POLR3GL: variants seen among roughly 807,000 people sequenced by gnomAD.
POLR3GL encodes the protein DNA-directed RNA polymerase III subunit RPC7-like.
A neutral mutation model predicts 32.4 loss-of-function variants in POLR3GL; 26 were observed. The ratio of observed to expected loss-of-function variants is 0.80; its 90% confidence interval spans 0.59 to 1.11. The LOEUF (loss-of-function observed/expected upper bound fraction) is 1.11, where lower values mean the gene tolerates loss of function less well. Among genes scored for constraint, POLR3GL ranks in the 50% most tolerant of loss-of-function variants. The pLI, the probability that POLR3GL is intolerant of heterozygous loss-of-function variation, is 0.00. For missense variants in POLR3GL, 229 were observed against 280.1 expected (o/e 0.82, Z 1.30); for synonymous variants, 95 against 98.7 (o/e 0.96, Z 0.22).
chr1:145,976,989 CAG>C, intron 3 of POLR3GL, 93 bp from the exon 4 acceptor site: 2 of 1,007,236 alleles, frequency 2.0e-6, no homozygotes, highest in South Asian at 2.6e-5. Flanking sequence ...GGTAAGGAAA[CAG>C]ATAATTCCTC....
intron 7 of POLR3GL, 49 bp downstream of exon 7, chr1:145,978,145 T>C: frequency 6.4e-7 from 1 of 1,565,130 alleles, no homozygotes; most frequent in Non-Finnish European, 8.7e-7. Flanking sequence ...ACCCTCTTTA[T>C]ACTAGGGTTG....
chr1:145,969,890 C>T (rs1185839952), intron 1 of POLR3GL, among the ~76,000 whole-genome samples: 1 of 148,620 alleles, frequency 6.7e-6, no homozygotes, highest in Non-Finnish European at 1.5e-5. Context: ...CTGCACCACT[C>T]CAGCCTGGGT....
intron 4 of POLR3GL, 73 bp downstream of exon 4, chr1:145,977,225 C>A (rs2101943392): frequency 1.6e-6 from 2 of 1,284,542 alleles, no homozygotes; most frequent in Non-Finnish European, 2.3e-6. Context: ...TCCCACCACG[C>A]CCATGACCCC....
intron 7 of POLR3GL, 64 bp from the exon 8 acceptor site, chr1:145,978,297 G>T: frequency 2.2e-6 from 3 of 1,359,630 alleles, no homozygotes; most frequent in South Asian, 1.2e-5. Context: ...GAGGAAAGGG[G>T]TCTGGTACAC....
intron 1 of POLR3GL, among the ~76,000 whole-genome samples, chr1:145,971,203 A>AAG (rs1375951316): frequency 7.9e-5 from 12 of 151,698 alleles, no homozygotes; most frequent in Non-Finnish European, 1.6e-4. Context: ...AAAAAAAAAA[A>AAG]AAAATTGATT....
At chr1:145,976,333 C>G (rs1274704805) in intron 3 of POLR3GL, among the ~76,000 whole-genome samples, 1 of 151,508 alleles carries the variant, frequency 6.6e-6, no homozygotes, top group East Asian at 1.9e-4. Flanking sequence ...AATCCCAGCA[C>G]TTTGGGAGGC....
intron 1 of POLR3GL, among the ~76,000 whole-genome samples, chr1:145,970,579 A>G (rs1350019179): frequency 6.6e-6 from 1 of 151,952 alleles, no homozygotes; most frequent in Non-Finnish European, 1.5e-5. Context: ...TTCCCCTATT[A>G]ACATTGTAGA....
chr1:145,972,482 T>A (rs587696725), intron 1 of POLR3GL, among the ~76,000 whole-genome samples: 1 of 152,264 alleles, frequency 6.6e-6, no homozygotes, highest in South Asian at 2.1e-4. Flanking sequence ...ATTTGTCTTT[T>A]TTCCCCCATA....
intron 1 of POLR3GL, among the ~76,000 whole-genome samples, chr1:145,970,098 A>AT (rs1417591008): frequency 6.6e-6 from 1 of 151,962 alleles, no homozygotes; most frequent in African/African-American, 2.4e-5. Flanking sequence ...ATTTTTAAAT[A>AT]TTTTTTTCAC....
chr1:145,966,483 C>CA (rs781955120), intron 1 of POLR3GL, among the ~76,000 whole-genome samples: 1,281 of 57,330 alleles, frequency 0.022, 6 homozygotes, highest in South Asian at 0.064. Flanking sequence ...GAACCTGTCT[C>CA]AAAAAAAAAA....
intron 1 of POLR3GL, among the ~76,000 whole-genome samples, chr1:145,967,180 C>CTT (rs1409457547): frequency 4.2e-5 from 6 of 142,320 alleles, no homozygotes; most frequent in Non-Finnish European, 6.2e-5. Flanking sequence ...ATTCTCTCTC[C>CTT]TTTTTTTTTT....
Position 145,975,378 on chromosome 1 carries a change from G to A in POLR3GL, c.198G>A (p.Glu66=). Reference sequence around the variant, plus strand: ...AATATGTCCTGGCACTGAAGCAAGAGCTACGAGGAGCCATGAGGCAGCTCC... The same window carrying A: ...AATATGTCCTGGCACTGAAGCAAGAACTACGAGGAGCCATGAGGCAGCTCC... ...EGEYVLALKQ[E]LRGAMRQLPY... The change falls in exon 3 of 8, where the codon GAG becomes GAA. Residue 66 remains glutamate (E), a synonymous_variant. Transcript: ENST00000369314. 6.2e-7 allele frequency: 1 copy of A among 1,614,162 alleles called. No homozygotes were observed. The highest frequency in any genetic ancestry group is 8.5e-7 in the Non-Finnish European group (1 of 1,180,000).
Position 145,977,978 on chromosome 1 carries a change from A to T in POLR3GL, c.457-5A>T. On this transcript the variant is annotated splice_polypyrimidine_tract_variant and splice_region_variant and intron_variant, in intron 6 of 7. Transcript: ENST00000369314. ...AGTTTCTATTCCTATTCATCCCCAC[A>T]TGAGACCCTGGAGAAGAAGGAAGAA... The T allele has an allele frequency of 6.2e-7, 1 of 1,613,860 alleles. No individual in the cohort carries two copies. Among genetic ancestry groups the T allele is most frequent in the African/African-American group, 1.3e-5 (1 of 74,990 alleles).
At chr1:145,977,702 G>A in intron 5 of POLR3GL, 76 bp from the exon 6 acceptor site, 1 of 1,425,552 alleles carries the variant, frequency 7.0e-7, no homozygotes, top group South Asian at 1.2e-5. Context: ...AGAGTGACAT[G>A]TTCTTTGCAT....
chr1:145,978,225 C>A, intron 7 of POLR3GL, 129 bp downstream of exon 7: 2 of 1,360,808 alleles, frequency 1.5e-6, no homozygotes, highest in Non-Finnish European at 2.0e-6. Flanking sequence ...TCTACTTCAT[C>A]TGCCCCCCTT....
chr1:145,969,320 A>G (rs1225653292), intron 1 of POLR3GL, among the ~76,000 whole-genome samples: 2 of 151,956 alleles, frequency 1.3e-5, no homozygotes, highest in Non-Finnish European at 2.9e-5. Flanking sequence ...TCTGGAGTGC[A>G]GTGGCGCCAT....
intron 1 of POLR3GL, among the ~76,000 whole-genome samples, chr1:145,968,627 A>C (rs1448022126): frequency 6.7e-6 from 1 of 150,332 alleles, no homozygotes; most frequent in Non-Finnish European, 1.5e-5. Context: ...GCTGGAGTGC[A>C]GTGGCACAAT....
rs782270688 is a variant in POLR3GL, at chr1:145,975,342, C to T, written c.162C>T (p.Gly54=). ...LEFRPVPLPS[G]EEGEYVLALK... ...TCCGCCCAGTACCTTTGCCCTCAGG[C>T]GAGGAAGGGGAATATGTCCTGGCAC... The change falls in exon 3 of 8, where the codon GGC becomes GGT. Residue 54 remains glycine, a synonymous_variant. Coordinates refer to ENST00000369314, the MANE Select transcript of POLR3GL (RefSeq NM_032305.3). 19 of 1,614,138 alleles carry T rather than the reference C, an allele frequency of 1.2e-5. No individual in the cohort carries two copies. Among genetic ancestry groups the T allele is most frequent in the Admixed American group, 3.3e-5 (2 of 60,020 alleles).
chr1:145,966,476 C>T (rs766155006), intron 1 of POLR3GL, among the ~76,000 whole-genome samples: 1 of 130,522 alleles, frequency 7.7e-6, no homozygotes, highest in Admixed American at 8.0e-5. Context: ...AGAGCAAGAA[C>T]CTGTCTCAAA....
Sources: gnomAD v4.1 joint callset for allele counts (sites outside exome capture counted in the v4.1 genomes callset) on GRCh38, gnomAD v4.1.1 for gene constraint, MANE v1.5 for transcripts, NCBI Gene and HGNC (gene_info 2026-07-23, HGNC 2026-07-21) for gene names.